NEGR1: variants seen among roughly 807,000 people sequenced by gnomAD.
NEGR1 encodes the protein neuronal growth regulator 1, also known as IgLON family member 4.
In NEGR1, 10 loss-of-function variants were observed where a neutral mutation model predicts 40.9. That is an observed-to-expected ratio of 0.24 (90% CI 0.15 to 0.42). The LOEUF (loss-of-function observed/expected upper bound fraction) is 0.42. NEGR1 is among the 10% of genes least tolerant of loss of function. The pLI is 1.00. For synonymous variants in NEGR1, 185 were observed against 166.8 expected, an observed-to-expected ratio of 1.11 and a Z score of -0.84; for missense variants, 352 against 438.9, an observed-to-expected ratio of 0.80 and a Z score of 1.77.
intron 3 of NEGR1, among the ~76,000 whole-genome samples, chr1:71,774,750 TA>T (rs1656444224): frequency 6.6e-6 from 1 of 152,134 alleles, no homozygotes; most frequent in Non-Finnish European, 1.5e-5. Flanking sequence ...TCCTATTTAT[TA>T]AAAGTACATC....
rs1227678052 is a variant in NEGR1, at chr1:71,404,166, T to TA, written c.*3279_*3280insT. 2,023 of 114,636 alleles carry TA rather than the reference T, an allele frequency of 0.018. 24 individuals are homozygous for TA. The highest frequency in any genetic ancestry group is 0.037 in the Admixed American group (467 of 12,488). 7.1% of individuals were successfully genotyped at this position (114,636 alleles called of 1,614,324 possible). A position where few individuals can be genotyped will look rare whatever the true frequency, so the allele number is the denominator to read the frequency against. ...TAGGGGTATTTATATATATATATAT[T>TA]TTTTTTTTTCCCTGAATTACCTGGG... On this transcript the variant is annotated 3_prime_UTR_variant, in exon 7 of 7. Coordinates refer to ENST00000357731, the MANE Select transcript of NEGR1 (RefSeq NM_173808.3).
intron 4 of NEGR1, among the ~76,000 whole-genome samples, chr1:71,674,700 G>A (rs1183400919): frequency 6.6e-6 from 1 of 151,904 alleles, no homozygotes; most frequent in Non-Finnish European, 1.5e-5. Flanking sequence ...GAGGACAAAT[G>A]TGTAGACGAG....
At chr1:71,986,339 T>C (rs534016254) in intron 1 of NEGR1, among the ~76,000 whole-genome samples, 29 of 152,326 alleles carry the variant, frequency 1.9e-4, no homozygotes, top group African/African-American at 6.7e-4. Flanking sequence ...GAAACATTTG[T>C]CTTGGCTGAG....
At chr1:71,917,644 G>T (rs576982637) in intron 2 of NEGR1, among the ~76,000 whole-genome samples, 14 of 151,730 alleles carry the variant, frequency 9.2e-5, no homozygotes, top group African/African-American at 3.4e-4. Context: ...CGGGCCTGGT[G>T]GCGGGCGCCT....
chr1:72,268,107 C>T (rs552741228), intron 1 of NEGR1, among the ~76,000 whole-genome samples: 4 of 151,244 alleles, frequency 2.6e-5, no homozygotes, highest in African/African-American at 7.2e-5. Flanking sequence ...GAACCTGAGA[C>T]GTTATTAGGG....
At chr1:72,052,976 C>T (rs1647076163) in intron 1 of NEGR1, among the ~76,000 whole-genome samples, 1 of 151,472 alleles carries the variant, frequency 6.6e-6, no homozygotes, top group Non-Finnish European at 1.5e-5. Flanking sequence ...TGAGTCAACA[C>T]TGCTTCACTT....
intron 1 of NEGR1, among the ~76,000 whole-genome samples, chr1:72,123,483 A>G (rs937044393): frequency 1.3e-5 from 2 of 151,852 alleles, no homozygotes; most frequent in Non-Finnish European, 2.9e-5. Context: ...GGTCATTCAT[A>G]TGGAGATAAA....
intron 6 of NEGR1, among the ~76,000 whole-genome samples, chr1:71,427,803 A>G (rs181915917): frequency 6.8e-4 from 103 of 152,316 alleles, no homozygotes; most frequent in African/African-American, 2.3e-3. Flanking sequence ...TAATTCTAGC[A>G]TTCTAGAATT....
At chr1:71,958,951 CAAA>C (rs10598895) in intron 1 of NEGR1, among the ~76,000 whole-genome samples, 3,333 of 119,400 alleles carry the variant, frequency 0.028, 118 homozygotes, top group African/African-American at 0.091. Context: ...CATCTCATCT[CAAA>C]AAAAAAAAAA....
chr1:71,501,622 T>C (rs1191573438), intron 6 of NEGR1, among the ~76,000 whole-genome samples: 3 of 152,152 alleles, frequency 2.0e-5, no homozygotes, highest in African/African-American at 7.2e-5. Context: ...AAATTAAAGA[T>C]ATCAATGATT....
chr1:72,243,765 T>C (rs1202106882), intron 1 of NEGR1, among the ~76,000 whole-genome samples: 1 of 151,850 alleles, frequency 6.6e-6, no homozygotes, highest in African/African-American at 2.4e-5. Context: ...TACCTGATTA[T>C]ATGCATTAAG....
At chr1:71,449,418 G>T (rs964483406) in intron 6 of NEGR1, among the ~76,000 whole-genome samples, 1 of 152,150 alleles carries the variant, frequency 6.6e-6, no homozygotes, top group Non-Finnish European at 1.5e-5. Context: ...GGATAGAGGG[G>T]TCAGCTTATT....
At chr1:72,090,416 C>G (rs189016899) in intron 1 of NEGR1, among the ~76,000 whole-genome samples, 1 of 147,582 alleles carries the variant, frequency 6.8e-6, no homozygotes, top group East Asian at 2.0e-4. Context: ...ACTAAAGTAG[C>G]GAAGATTTCT....
At chr1:71,902,845 T>C (rs1367694590) in intron 2 of NEGR1, among the ~76,000 whole-genome samples, 1 of 152,114 alleles carries the variant, frequency 6.6e-6, no homozygotes, top group African/African-American at 2.4e-5. Context: ...CTTCTAATTC[T>C]AAAGTATACT....
chr1:72,195,133 G>T (rs181217295), intron 1 of NEGR1, among the ~76,000 whole-genome samples: 26 of 152,084 alleles, frequency 1.7e-4, no homozygotes, highest in African/African-American at 6.3e-4. Context: ...CTTAGCCATT[G>T]AAACAAGCCA....
intron 6 of NEGR1, among the ~76,000 whole-genome samples, chr1:71,466,183 C>T (rs1419870553): frequency 6.6e-6 from 1 of 151,992 alleles, no homozygotes; most frequent in African/African-American, 2.4e-5. Flanking sequence ...TTTATGGTGC[C>T]TGGCACACAT....
At chr1:72,280,407 A>T (rs896842751) in intron 1 of NEGR1, among the ~76,000 whole-genome samples, 35 of 152,220 alleles carry the variant, frequency 2.3e-4, no homozygotes, top group Non-Finnish European at 7.3e-5. Flanking sequence ...AATAAGCAAT[A>T]TGTTGCTTGC....
intron 4 of NEGR1, among the ~76,000 whole-genome samples, chr1:71,683,335 G>A (rs1051622008): frequency 1.3e-5 from 2 of 151,590 alleles, no homozygotes; most frequent in African/African-American, 4.9e-5. Context: ...CATCAAAATG[G>A]GCATTCAAAG....
intron 6 of NEGR1, among the ~76,000 whole-genome samples, chr1:71,436,867 A>C (rs1646512853): frequency 6.6e-6 from 1 of 152,212 alleles, no homozygotes; most frequent in Admixed American, 6.5e-5. Context: ...TATACAATAC[A>C]TATATAAAGT....
Sources: gnomAD v4.1 joint callset for allele counts (sites outside exome capture counted in the v4.1 genomes callset) on GRCh38, gnomAD v4.1.1 for gene constraint, MANE v1.5 for transcripts, NCBI Gene and HGNC (gene_info 2026-07-23, HGNC 2026-07-21) for gene names.